ARFGEF1: variants seen among roughly 807,000 people sequenced by gnomAD.
ARFGEF1 encodes the protein brefeldin A-inhibited guanine nucleotide-exchange protein 1.
In ARFGEF1, 42 loss-of-function variants were observed where a neutral mutation model predicts 231.0. That is an observed-to-expected ratio of 0.18 (90% confidence interval 0.14 to 0.24). The LOEUF (loss-of-function observed/expected upper bound fraction) is 0.24, where lower values mean the gene tolerates loss of function less well. Among genes scored for constraint, ARFGEF1 ranks in the 10% least tolerant of loss-of-function variants. The pLI is 1.00. For missense variants in ARFGEF1, 1,345 were observed against 2,192.0 expected (o/e 0.61, Z 7.72); for synonymous variants, 710 against 732.3 (o/e 0.97, Z 0.49).
intron 5 of ARFGEF1, among the ~76,000 whole-genome samples, chr8:67,184,943 C>CAAA (rs796384901): frequency 7.0e-4 from 39 of 56,066 alleles, no homozygotes; most frequent in Non-Finnish European, 1.2e-3. Context: ...ACTAAAAATA[C>CAAA]AAAAAAAAAA....
chr8:67,234,149 C>G (rs1202690389), intron 22 of ARFGEF1, among the ~76,000 whole-genome samples: 1 of 152,068 alleles, frequency 6.6e-6, no homozygotes, highest in Non-Finnish European at 1.5e-5. Flanking sequence ...CTTCTGAATG[C>G]AAACATAACA....
intron 14 of ARFGEF1, among the ~76,000 whole-genome samples, chr8:67,264,033 A>G (rs747466162): frequency 5.9e-5 from 9 of 152,180 alleles, no homozygotes; most frequent in Non-Finnish European, 1.3e-4. Flanking sequence ...GGTGAGACAG[A>G]AAAGTGGCAG....
At chr8:67,194,474 A>G (rs1206041827), downstream of ARFGEF1, among the ~76,000 whole-genome samples, 2 of 152,222 alleles carry the variant, frequency 1.3e-5, no homozygotes, top group African/African-American at 4.8e-5. Context: ...GTAGGAAAGG[A>G]TGTCTTTCCA....
intron 1 of ARFGEF1, among the ~76,000 whole-genome samples, chr8:67,326,819 A>T (rs1167413087): frequency 1.3e-5 from 2 of 152,280 alleles, no homozygotes; most frequent in East Asian, 3.9e-4. Flanking sequence ...GTTTCCAAGA[A>T]CCTATATCAA....
At position 67,293,004 on chromosome 8, in the gene ARFGEF1, A is replaced by G. The variant is rs184002633; in HGVS notation, c.640-881T>C. Among the ~76,000 whole-genome samples the G allele has an allele frequency of 1.3e-3, 204 of 152,296 alleles. 2 individuals carry two copies. Among genetic ancestry groups the G allele is most frequent in the African/African-American group, 4.7e-3 (197 of 41,572 alleles). On this transcript the variant is annotated intron_variant, in intron 5 of 38. Coordinates refer to ENST00000262215, the MANE Select transcript of ARFGEF1 (RefSeq NM_006421.5). ...AGGATTTTAATAATAAAGTCTGACA[A>G]GATTTGCTTTGTAAGGAGTTTTATT...
chr8:67,200,561 C>T (rs772453303), intron 37 of ARFGEF1, 48 bp from the exon 38 acceptor site: 2 of 1,157,462 alleles, frequency 1.7e-6, no homozygotes, highest in Non-Finnish European at 2.5e-6. Context: ...ATCTACTGGT[C>T]CCCATATTCA....
At chr8:67,227,655 A>T (rs1839420323) in intron 25 of ARFGEF1, 57 bp from the exon 26 acceptor site, 1 of 1,554,508 alleles carries the variant, frequency 6.4e-7, no homozygotes, top group Non-Finnish European at 8.7e-7. Context: ...AAAATCTACA[A>T]TTCTTTATTT....
intron 12 of ARFGEF1, 53 bp from the exon 13 acceptor site, chr8:67,267,037 A>C: frequency 6.2e-7 from 1 of 1,610,244 alleles, no homozygotes; most frequent in Non-Finnish European, 8.5e-7. Context: ...TAAGGAAAAC[A>C]CATGACTCTT....
chr8:67,327,959 A>G (rs1453764995), intron 1 of ARFGEF1, among the ~76,000 whole-genome samples: 3 of 152,202 alleles, frequency 2.0e-5, no homozygotes, highest in Non-Finnish European at 2.9e-5. Flanking sequence ...AATGATGAAT[A>G]CACTTGTACA....
chr8:67,197,615 T>TAATA, downstream of ARFGEF1: 1 of 985,542 alleles, frequency 1.0e-6, no homozygotes, highest in Non-Finnish European at 1.2e-6. Context: ...TGTTCAGCCT[T>TAATA]AATAGACCAG....
Position 67,251,407 on chromosome 8 carries a change from T to C in ARFGEF1, c.2742A>G (p.Glu914=). The C allele has an allele frequency of 1.2e-6, 2 of 1,611,524 alleles. No homozygotes were observed. Among genetic ancestry groups the C allele is most frequent in the Non-Finnish European group, 1.7e-6 (2 of 1,178,474 alleles). The change falls in exon 19 of 39, where the codon GAA becomes GAG. Residue 914 remains glutamate (E), a synonymous_variant. Coordinates refer to ENST00000262215, the MANE Select transcript of ARFGEF1 (RefSeq NM_006421.5). The part of the protein sequence containing the change: ...EKQRRLLYNL[E]MEQMAKTAKA... ...TAGCTGTCTTGGCCATCTGCTCCAT[T>C]TCTAAGTTATACAGAAGTCTTCTTT...
intron 20 of ARFGEF1, 41 bp from the exon 21 acceptor site, chr8:67,238,934 G>C: frequency 1.4e-6 from 2 of 1,477,988 alleles, no homozygotes; most frequent in Non-Finnish European, 1.8e-6. Flanking sequence ...GTTCTAAATA[G>C]AGCAGACTGA....
intron 17 of ARFGEF1, among the ~76,000 whole-genome samples, chr8:67,256,453 T>TG (rs1840456901): frequency 6.6e-6 from 1 of 152,162 alleles, no homozygotes; most frequent in Non-Finnish European, 1.5e-5. Context: ...TATACTTTCC[T>TG]TATCTACTCT....
intron 5 of ARFGEF1, among the ~76,000 whole-genome samples, chr8:67,188,022 A>G (rs2129574542): frequency 6.6e-6 from 1 of 152,362 alleles, no homozygotes; most frequent in East Asian, 1.9e-4. Context: ...GAAATAATTG[A>G]TAAGCCGGAC....
At chr8:67,305,664 A>C (rs1806708809) in intron 1 of ARFGEF1, among the ~76,000 whole-genome samples, 1 of 152,110 alleles carries the variant, frequency 6.6e-6, no homozygotes, top group African/African-American at 2.4e-5. Context: ...TCTAGTCTTA[A>C]ACTAGTGTAT....
At chr8:67,238,002 C>A (rs1457499170) in intron 22 of ARFGEF1, among the ~76,000 whole-genome samples, 1 of 152,206 alleles carries the variant, frequency 6.6e-6, no homozygotes, top group African/African-American at 2.4e-5. Flanking sequence ...ATTGCTTTAA[C>A]AATTAAATGT....
intron 7 of ARFGEF1, among the ~76,000 whole-genome samples, chr8:67,283,132 T>C (rs1224201735): frequency 6.6e-6 from 1 of 152,172 alleles, no homozygotes; most frequent in Non-Finnish European, 1.5e-5. Context: ...ACCCTGGAAA[T>C]AGCCAAATGC....
intron 9 of ARFGEF1, among the ~76,000 whole-genome samples, chr8:67,274,802 T>C (rs1222086130): frequency 6.6e-6 from 1 of 152,140 alleles, no homozygotes; most frequent in East Asian, 1.9e-4. Flanking sequence ...TCTTATCTCT[T>C]TCTCAAAGTA....
At chr8:67,328,858 A>G (rs1253474775) in intron 1 of ARFGEF1, among the ~76,000 whole-genome samples, 6 of 152,356 alleles carry the variant, frequency 3.9e-5, no homozygotes, top group Admixed American at 2.6e-4. Flanking sequence ...AAGGAGAAAG[A>G]AGGAGAATCC....
Sources: allele counts gnomAD v4.1 joint callset (sites outside exome capture counted in the v4.1 genomes callset), GRCh38; gene constraint gnomAD v4.1.1; transcripts MANE v1.5; gene names NCBI Gene and HGNC (gene_info 2026-07-23, HGNC 2026-07-21).